HIPK2: variants seen among roughly 807,000 people sequenced by gnomAD.
HIPK2 encodes the protein homeodomain-interacting protein kinase 2.
In HIPK2, 27 loss-of-function variants were observed where a neutral mutation model predicts 113.7. The ratio of observed to expected loss-of-function variants is 0.24; its 90% CI spans 0.17 to 0.33. The LOEUF (loss-of-function observed/expected upper bound fraction) is 0.33, where lower values mean the gene tolerates loss of function less well. HIPK2 is among the 10% of genes least tolerant of loss of function. The probability of loss-of-function intolerance (pLI) is 1.00; values close to 1 mark genes in which losing one functional copy is unlikely to be tolerated. For synonymous variants in HIPK2, 631 were observed against 642.2 expected, an observed-to-expected ratio of 0.98 and a Z score of 0.26; for missense variants, 1,257 against 1,588.0, an observed-to-expected ratio of 0.79 and a Z score of 3.54.
At chr7:139,626,276 T>C (rs1474081313) in intron 6 of HIPK2, among the ~76,000 whole-genome samples, 1 of 152,068 alleles carries the variant, frequency 6.6e-6, no homozygotes, top group African/African-American at 2.4e-5. Flanking sequence ...CTGATTTTTG[T>C]ATTTTTAGTA....
intron 2 of HIPK2, among the ~76,000 whole-genome samples, chr7:139,698,723 A>T (rs1794628517): frequency 6.6e-6 from 1 of 152,152 alleles, no homozygotes; most frequent in Non-Finnish European, 1.5e-5. Flanking sequence ...GGCCCTGTGA[A>T]ATCTCTAATC....
intron 2 of HIPK2, among the ~76,000 whole-genome samples, chr7:139,698,464 G>A (rs1045872671): frequency 2.6e-4 from 39 of 152,252 alleles, no homozygotes; most frequent in African/African-American, 9.1e-4. Context: ...CTTCTTTTGG[G>A]TGTATACCTA....
At chr7:139,660,852 C>G (rs1299887551) in intron 2 of HIPK2, among the ~76,000 whole-genome samples, 2 of 152,146 alleles carry the variant, frequency 1.3e-5, no homozygotes, top group Non-Finnish European at 2.9e-5. Flanking sequence ...CAGATCTTGG[C>G]AGGAGATAGG....
intron 2 of HIPK2, among the ~76,000 whole-genome samples, chr7:139,695,091 A>G (rs1385929968): frequency 6.6e-6 from 1 of 152,222 alleles, no homozygotes; most frequent in Non-Finnish European, 1.5e-5. Flanking sequence ...TTGTCAAGAA[A>G]ACAAAACGCC....
chr7:139,620,528 T>A lies in HIPK2; in HGVS notation c.1655A>T (p.Lys552Met). ...CGTGTCATACATATTCACCCGACGCTTGCAGATCTCCATGTTCTGGAAACA... is the reference window on the plus strand; with the variant it reads ...CGTGTCATACATATTCACCCGACGCATGCAGATCTCCATGTTCTGGAAACA... ...KSCFQNMEIC[K>M]RRVNMYDTVN... The change falls in exon 7 of 15, where the codon AAG becomes ATG. Residue 552 changes from lysine to methionine, a missense_variant. Transcript: ENST00000406875. The A allele has an allele frequency of 6.2e-7, 1 of 1,614,120 alleles. No individual in the cohort carries two copies. The highest frequency in any genetic ancestry group is 8.5e-7 in the Non-Finnish European group (1 of 1,180,012).
At chr7:139,598,685 G>C (rs1341555343) in intron 11 of HIPK2, among the ~76,000 whole-genome samples, 3 of 152,178 alleles carry the variant, frequency 2.0e-5, no homozygotes, top group African/African-American at 7.2e-5. Context: ...GCTGGGTGGT[G>C]AGTAAACAAA....
chr7:139,606,459 C>A (rs903021828), intron 9 of HIPK2, among the ~76,000 whole-genome samples: 1 of 152,210 alleles, frequency 6.6e-6, no homozygotes, highest in African/African-American at 2.4e-5. Context: ...ATAAAAAATA[C>A]AGATTCATAA....
chr7:139,713,780 G>A (rs1169366021), intron 2 of HIPK2, among the ~76,000 whole-genome samples: 5 of 152,302 alleles, frequency 3.3e-5, no homozygotes, highest in Admixed American at 6.5e-5. Flanking sequence ...ACCTAAATAC[G>A]AAGTGGCACA....
At position 139,568,651 on chromosome 7, in the gene HIPK2, A is replaced by T. The variant is rs952337525; in HGVS notation, c.*4276T>A. 2 of 152,218 alleles carry T rather than the reference A, an allele frequency of 1.3e-5. No homozygotes were observed. The highest frequency in any genetic ancestry group is 2.9e-5 in the Non-Finnish European group (2 of 68,044). The allele number at this position is 152,218 out of a possible 1,614,324, so 9.4% of individuals were successfully genotyped here. A position where few individuals can be genotyped will look rare whatever the true frequency, so the allele number is the denominator to read the frequency against. On this transcript the variant is annotated 3_prime_UTR_variant, in exon 15 of 15. Transcript: ENST00000406875. ...AAAAGACTAGAGGATGCTCTAGATG[A>T]TTCGTGGGCTAAGTAAGGACTAGGT...
chr7:139,749,058 TG>T lies in HIPK2; in HGVS notation c.19+28546del, dbSNP rs2117102545. ...CTTGAATACAGTGTGAAGGAAAAACTGTCACAATTGTCATGGTCACAAGTAG... is the reference window on the plus strand; with the variant it reads ...CTTGAATACAGTGTGAAGGAAAAACTTCACAATTGTCATGGTCACAAGTAG... On this transcript the variant is annotated intron_variant, in intron 1 of 14. Transcript: ENST00000406875. Among the ~76,000 whole-genome samples, 3 of 152,336 alleles carry T rather than the reference TG, an allele frequency of 2.0e-5. No individual in the cohort carries two copies. The South Asian group carries it at 6.2e-4, about 32-fold the overall frequency.
Position 139,572,897 on chromosome 7 carries a change from C to A in HIPK2, c.*30G>T. ...CCTCCTCCCTCGGGCCATTCTCTCC[C>A]TCCCTCCCTCCCTCCCTCCCCTCCA... On this transcript the variant is annotated 3_prime_UTR_variant, in exon 15 of 15. Transcript: ENST00000406875. 7.0e-6 allele frequency: 4 copies of A among 571,112 alleles called. No individual in the cohort carries two copies. Among genetic ancestry groups the A allele is most frequent in the African/African-American group, 3.8e-5 (2 of 53,092 alleles). The allele number at this position is 571,112 out of a possible 1,614,324, so 35.4% of individuals were successfully genotyped here.
intron 2 of HIPK2, among the ~76,000 whole-genome samples, chr7:139,650,549 A>G (rs966595520): frequency 6.6e-6 from 1 of 151,882 alleles, no homozygotes; most frequent in Non-Finnish European, 1.5e-5. Flanking sequence ...CAGCTGTGAC[A>G]GCCAGCCCTT....
chr7:139,719,383 T>C lies in HIPK2; in HGVS notation c.20-2368A>G, dbSNP rs1484712689. ...CCTCCCAAAGTGCTGGTATTACAGGTGTGAGCCACCGCACCCAGCCCTCTT... is the reference window on the plus strand; with the variant it reads ...CCTCCCAAAGTGCTGGTATTACAGGCGTGAGCCACCGCACCCAGCCCTCTT... On this transcript the variant is annotated intron_variant, in intron 1 of 14. Coordinates refer to ENST00000406875, the MANE Select transcript of HIPK2 (RefSeq NM_022740.5). Among the ~76,000 whole-genome samples the C allele has an allele frequency of 7.9e-5, 12 of 152,026 alleles. 1 individual carries two copies. The highest frequency in any genetic ancestry group is 7.9e-4 in the Admixed American group (12 of 15,258).
Position 139,613,781 on chromosome 7 carries a change from T to C in HIPK2, c.1991-458A>G, listed in dbSNP as rs766333901. Among the ~76,000 whole-genome samples the C allele has an allele frequency of 2.4e-4, 37 of 152,308 alleles. No homozygotes were observed. The highest frequency in any genetic ancestry group is 3.4e-3 in the Middle Eastern group (1 of 294). The stretch of plus-strand genomic sequence containing the variant: ...GGGTAAATTGTAACAAAGTACACAG[T>C]CTAGCTTCTTAGAGTCTACAGGAGA... On this transcript the variant is annotated intron_variant, in intron 8 of 14. Coordinates refer to ENST00000406875, the MANE Select transcript of HIPK2 (RefSeq NM_022740.5). The surrounding 1 kb of genome is among the most constrained non-coding windows in gnomAD (Gnocchi z 4.2).
Position 139,572,764 on chromosome 7 carries a change from G to GCCCCCCCCCCCCCCCCCCC in HIPK2, c.*162_*163insGGGGGGGGGGGGGGGGGGG, listed in dbSNP as rs71170903. The GCCCCCCCCCCCCCCCCCCC allele has an allele frequency of 1.4e-4, 4 of 29,326 alleles. 2 individuals carry two copies. The highest frequency in any genetic ancestry group is 2.6e-4 in the Non-Finnish European group (4 of 15,562). 1.8% of individuals were successfully genotyped at this position (29,326 alleles called of 1,614,324 possible). A position where few individuals can be genotyped will look rare whatever the true frequency, so the allele number is the denominator to read the frequency against. ...GTCCCGACCCGTCCCCCTGCCCTCT[G>GCCCCCCCCCCCCCCCCCCC]CCCCCCCCCCCCCCCCCGCCCCTGC... On this transcript the variant is annotated 3_prime_UTR_variant, in exon 15 of 15. Coordinates refer to ENST00000406875, the MANE Select transcript of HIPK2 (RefSeq NM_022740.5).
At chr7:139,659,087 C>T (rs1801774688) in intron 2 of HIPK2, among the ~76,000 whole-genome samples, 1 of 152,138 alleles carries the variant, frequency 6.6e-6, no homozygotes, top group Admixed American at 6.5e-5. Flanking sequence ...CATTGGCTGA[C>T]CAAAAACAAT....
intron 2 of HIPK2, among the ~76,000 whole-genome samples, chr7:139,639,820 G>A (rs564526954): frequency 1.3e-5 from 2 of 152,330 alleles, no homozygotes; most frequent in South Asian, 2.1e-4. Context: ...GTTTTCCCTG[G>A]AGCTGGCAAT....
chr7:139,604,327 A>C, intron 9 of HIPK2, 104 bp from the exon 10 acceptor site: 29 of 1,487,218 alleles, frequency 1.9e-5, no homozygotes, highest in Non-Finnish European at 2.3e-5. Context: ...AGACATTCTC[A>C]TGGGTGTGAG....
At chr7:139,586,853 T>C (rs1798848754) in intron 12 of HIPK2, among the ~76,000 whole-genome samples, 1 of 152,156 alleles carries the variant, frequency 6.6e-6, no homozygotes, top group East Asian at 1.9e-4. Flanking sequence ...ATAGTTTGTT[T>C]GAGTCTACAT....
Sources: gnomAD v4.1 joint callset for allele counts (sites outside exome capture counted in the v4.1 genomes callset) on GRCh38, gnomAD v4.1.1 for gene constraint, Gnocchi (gnomAD v3.1) non-coding constraint, MANE v1.5 for transcripts, NCBI Gene and HGNC (gene_info 2026-07-23, HGNC 2026-07-21) for gene names.